NTAN1: variants seen among roughly 807,000 people sequenced by gnomAD.
NTAN1 encodes protein N-terminal asparagine amidohydrolase.
A neutral mutation model predicts 41.9 loss-of-function variants in NTAN1; 32 were observed. The observed-to-expected ratio is 0.76, with a 90% confidence interval of 0.58 to 1.03. NTAN1 has a LOEUF of 1.03. Ranked by LOEUF, NTAN1 falls within the 50% of genes least tolerant of loss-of-function variation. NTAN1 has a pLI of 0.00. For missense variants in NTAN1, 377 were observed against 377.5 expected (o/e 1.00, Z 0.01); for synonymous variants, 140 against 139.5 (o/e 1.00, Z -0.03).
intron 7 of NTAN1, among the ~76,000 whole-genome samples, chr16:15,040,758 T>G (rs2043777520): frequency 6.6e-6 from 1 of 152,070 alleles, no homozygotes; most frequent in Non-Finnish European, 1.5e-5. Flanking sequence ...CCTGGGGTGC[T>G]GGGGGGAGAG....
intron 1 of NTAN1, among the ~76,000 whole-genome samples, chr16:15,053,730 G>C (rs2044386131): frequency 6.6e-6 from 1 of 152,046 alleles, no homozygotes; most frequent in South Asian, 2.1e-4. Flanking sequence ...GGCCAACATG[G>C]TGAAAACCCG....
chr16:15,056,035 C>A lies in NTAN1; in HGVS notation c.-64G>T. The A allele has an allele frequency of 2.7e-6, 2 of 748,762 alleles. No homozygotes were observed. Among genetic ancestry groups the A allele is most frequent in the African/African-American group, 1.9e-5 (1 of 53,460 alleles). The allele number at this position is 748,762 out of a possible 1,614,324, so 46.4% of individuals were successfully genotyped here. ...GGCCCCCCGCTTTGCAGCCCCGGGC[C>A]GCCCGCCGCCCCCGCCCCTCGGGCC... On this transcript the variant is annotated 5_prime_UTR_variant, in exon 1 of 10. Coordinates refer to ENST00000287706, the MANE Select transcript of NTAN1 (RefSeq NM_173474.4).
intron 1 of NTAN1, among the ~76,000 whole-genome samples, chr16:15,049,436 T>A (rs1173978920): frequency 1.3e-5 from 2 of 150,108 alleles, no homozygotes; most frequent in African/African-American, 2.4e-5. Context: ...TTTATCTTAT[T>A]TTTTTTTTTT....
chr16:15,048,285 A>T (rs940826349), intron 1 of NTAN1, among the ~76,000 whole-genome samples, 186 bp from the exon 2 acceptor site: 1 of 152,190 alleles, frequency 6.6e-6, no homozygotes, highest in Non-Finnish European at 1.5e-5. Flanking sequence ...TGCAGAGAAA[A>T]CGATGCGGTT....
intron 1 of NTAN1, chr16:15,055,669 G>C: frequency 2.8e-6 from 1 of 362,748 alleles, no homozygotes; most frequent in African/African-American, 2.1e-5. Flanking sequence ...CTGGGCCCCC[G>C]TCCCCTCCCT....
intron 4 of NTAN1, chr16:15,044,633 T>C: frequency 1.7e-6 from 1 of 580,358 alleles, no homozygotes; most frequent in Non-Finnish European, 3.1e-6. Context: ...GGGATCCGTA[T>C]CTGAACACAA....
chr16:15,044,299 C>T lies in NTAN1; in HGVS notation c.433+35G>A, dbSNP rs569591540. 4 of 1,466,054 alleles carry T rather than the reference C, an allele frequency of 2.7e-6. No homozygotes were observed. In the South Asian group the frequency reaches 3.4e-5, roughly 12 times the overall value. 90.8% of individuals were successfully genotyped at this position (1,466,054 alleles called of 1,614,324 possible). On this transcript the variant is annotated intron_variant, in intron 5 of 9. Transcript: ENST00000287706. Reference sequence around the variant, plus strand: ...AGCAAATATGGGTACATATTTATGTCCAATTTGGGGGAAAGAAAAAAAAAA... The same window carrying T: ...AGCAAATATGGGTACATATTTATGTTCAATTTGGGGGAAAGAAAAAAAAAA...
chr16:15,040,063 A>G lies in NTAN1; in HGVS notation c.545T>C (p.Val182Ala). ...GTAAATCTCTGCAGTCTTAATGTTGACAGCTGTGAGGGACAACAGGATGAC... is the reference window on the plus strand; with the variant it reads ...GTAAATCTCTGCAGTCTTAATGTTGGCAGCTGTGAGGGACAACAGGATGAC... ...NHFPVIYGIA[V>A]NIKTAEIYRA... Residue 182 changes from valine to alanine, a missense_variant, in exon 8 of 10, where the codon GTC becomes GCC. Physicochemically the swap from Val to Ala is moderately conservative, Grantham distance 64. Transcript: ENST00000287706. The G allele has an allele frequency of 6.3e-7, 1 of 1,587,628 alleles. No individual in the cohort carries two copies. Among genetic ancestry groups the G allele is most frequent in the Non-Finnish European group, 8.6e-7 (1 of 1,156,896 alleles).
Position 15,038,225 on chromosome 16 carries a change from T to C in NTAN1, c.754-15A>G. Reference sequence around the variant, plus strand: ...GTGGAAAGATTCTGAAAACACAAGATGGTGGGCATTAGAGAAGCCAACCTT... The same window carrying C: ...GTGGAAAGATTCTGAAAACACAAGACGGTGGGCATTAGAGAAGCCAACCTT... On this transcript the variant is annotated splice_polypyrimidine_tract_variant and intron_variant, in intron 9 of 9. Coordinates refer to ENST00000287706, the MANE Select transcript of NTAN1 (RefSeq NM_173474.4). The C allele has an allele frequency of 1.9e-6, 3 of 1,608,696 alleles. No homozygotes were observed. Among genetic ancestry groups the C allele is most frequent in the Non-Finnish European group, 2.5e-6 (3 of 1,176,758 alleles).
chr16:15,055,260 G>A (rs2044460982), intron 1 of NTAN1, among the ~76,000 whole-genome samples: 1 of 152,160 alleles, frequency 6.6e-6, no homozygotes, highest in South Asian at 2.1e-4. Flanking sequence ...AGATCTATTT[G>A]AGCACAAAAG....
chr16:15,047,949 T>C (rs2044142507), intron 2 of NTAN1, 29 bp from the exon 3 acceptor site: 1 of 1,605,770 alleles, frequency 6.2e-7, no homozygotes, highest in Non-Finnish European at 8.5e-7. Context: ...AAATAAAATA[T>C]CCAATAGCCT....
chr16:15,040,496 A>G (rs1043150769), intron 7 of NTAN1: 11 of 177,226 alleles, frequency 6.2e-5, no homozygotes, highest in Admixed American at 5.7e-4. Context: ...CCTACCACCC[A>G]GCTAAATCAA....
intron 9 of NTAN1, 93 bp downstream of exon 9, chr16:15,038,481 A>C (rs2043648035): frequency 5.4e-6 from 4 of 735,234 alleles, no homozygotes; most frequent in Middle Eastern, 3.6e-4. Context: ...CCAAAGGGAA[A>C]GCAGCTATGA....
chr16:15,038,991 C>T (rs2043680590), intron 8 of NTAN1, among the ~76,000 whole-genome samples: 1 of 152,154 alleles, frequency 6.6e-6, no homozygotes, highest in South Asian at 2.1e-4. Flanking sequence ...GTTACGTGTC[C>T]AGTAAGCCTC....
intron 5 of NTAN1, among the ~76,000 whole-genome samples, chr16:15,042,900 T>A (rs933335175): frequency 2.1e-4 from 14 of 66,912 alleles, no homozygotes; most frequent in African/African-American, 4.8e-4. Context: ...GCCCAGCTAA[T>A]TTTTTTTTTT....
At chr16:15,041,488 C>G (rs951721814) in intron 6 of NTAN1, 135 bp downstream of exon 6, 8 of 755,134 alleles carry the variant, frequency 1.1e-5, no homozygotes, top group Admixed American at 7.1e-5. Flanking sequence ...GGCCATCCCA[C>G]CACAGGAAGA....
chr16:15,041,411 G>A (rs937224230), intron 6 of NTAN1, among the ~76,000 whole-genome samples: 1 of 152,052 alleles, frequency 6.6e-6, no homozygotes, highest in Non-Finnish European at 1.5e-5. Flanking sequence ...CTCCTTCCTG[G>A]TAGACGAGGG....
At chr16:15,039,858 G>C (rs1195014537) in intron 8 of NTAN1, 111 bp downstream of exon 8, 2 of 686,248 alleles carry the variant, frequency 2.9e-6, no homozygotes, top group African/African-American at 1.8e-5. Context: ...ATAATGTACG[G>C]CTATAAAGAA....
intron 1 of NTAN1, among the ~76,000 whole-genome samples, chr16:15,053,408 T>TCC (rs2044370811): frequency 6.6e-6 from 1 of 152,236 alleles, no homozygotes; most frequent in African/African-American, 2.4e-5. Context: ...CTGTTGGTAC[T>TCC]CCATACTCAG....
Sources: allele counts gnomAD v4.1 joint callset (sites outside exome capture counted in the v4.1 genomes callset), GRCh38; gene constraint gnomAD v4.1.1; transcripts MANE v1.5; gene names NCBI Gene and HGNC (gene_info 2026-07-23, HGNC 2026-07-21).